SDHD: variants seen among roughly 807,000 people sequenced by gnomAD.
The protein encoded by SDHD is succinate dehydrogenase [ubiquinone] cytochrome b small subunit, mitochondrial.
A neutral mutation model predicts 18.7 loss-of-function variants in SDHD; 6 were observed. That is an observed-to-expected ratio of 0.32 (90% CI 0.18 to 0.63). SDHD has a LOEUF of 0.63. Ranked by LOEUF, SDHD falls within the 30% of genes least tolerant of loss-of-function variation. The pLI, the probability that SDHD is intolerant of heterozygous loss-of-function variation, is 0.79. For synonymous variants in SDHD, 56 were observed against 73.9 expected, an observed-to-expected ratio of 0.76 and a Z score of 1.24; for missense variants, 160 against 192.7, an observed-to-expected ratio of 0.83 and a Z score of 1.00.
intron 3 of SDHD, among the ~76,000 whole-genome samples, chr11:112,092,385 TC>T (rs1173885264): frequency 1.3e-5 from 2 of 152,200 alleles, no homozygotes; most frequent in Non-Finnish European, 2.9e-5. Context: ...CTAACTAGTT[TC>T]CTCTTCAGTT....
chr11:112,088,251 GTGCAGTGGTGCGATCTCGGCTCAC>G (rs1015701304), intron 2 of SDHD: 5 of 420,478 alleles, frequency 1.2e-5, no homozygotes, highest in African/African-American at 2.0e-5. Flanking sequence ...GCAGGCTGGA[GTGCAGTGGTGCGATCTCGGCTCAC>G]TGCAACCTCC....
chr11:112,087,183 T>C (rs1865628355), intron 1 of SDHD, among the ~76,000 whole-genome samples: 1 of 152,222 alleles, frequency 6.6e-6, no homozygotes, highest in Non-Finnish European at 1.5e-5. Flanking sequence ...GAGCTCCCTC[T>C]GGAAGTCGCA....
intron 3 of SDHD, among the ~76,000 whole-genome samples, chr11:112,091,506 C>G (rs1357680821): frequency 6.6e-6 from 1 of 152,138 alleles, no homozygotes; most frequent in African/African-American, 2.4e-5. Context: ...CATCTGTACC[C>G]TTTTTTAGGT....
intron 2 of SDHD, 92 bp downstream of exon 2, chr11:112,088,065 G>C (rs566673320): frequency 1.3e-5 from 12 of 904,176 alleles, no homozygotes; most frequent in African/African-American, 8.2e-5. Flanking sequence ...CTACCTGTAG[G>C]GGGGACTCTT....
rs11547899 is a variant in SDHD at position 112,088,883 on chromosome 11, A to G, written c.186A>G (p.Ala62=). ...SPSHHSGSKA[A]SLHWTSERVV... ...TTTTTGTAGCTGGCTCCAAGGCTGCATCTCTCCACTGGACTAGCGAGAGGG... is the reference window on the plus strand; with the variant it reads ...TTTTTGTAGCTGGCTCCAAGGCTGCGTCTCTCCACTGGACTAGCGAGAGGG... Residue 62 remains alanine (A), a synonymous_variant, in exon 3 of 4, where the codon GCA becomes GCG. Transcript: ENST00000375549. The G allele has an allele frequency of 1.2e-6, 2 of 1,612,406 alleles. No individual in the cohort carries two copies. Among genetic ancestry groups the G allele is most frequent in the South Asian group, 1.1e-5 (1 of 91,008 alleles).
At chr11:112,092,531 T>C (rs1427582852) in intron 3 of SDHD, among the ~76,000 whole-genome samples, 1 of 152,194 alleles carries the variant, frequency 6.6e-6, no homozygotes, top group East Asian at 1.9e-4. Context: ...CTCAGCATCA[T>C]TTGTCATTAG....
intron 3 of SDHD, among the ~76,000 whole-genome samples, chr11:112,093,698 T>C (rs1865788820): frequency 1.3e-5 from 2 of 152,194 alleles, no homozygotes; most frequent in African/African-American, 4.8e-5. Flanking sequence ...AGATTCCTTA[T>C]CATGACCTTC....
intron 1 of SDHD, among the ~76,000 whole-genome samples, 156 bp from the exon 2 acceptor site, chr11:112,087,697 ACTTC>A (rs1181759016): frequency 6.6e-6 from 1 of 152,224 alleles, no homozygotes; most frequent in Non-Finnish European, 1.5e-5. Context: ...CCTGGTCTTA[ACTTC>A]ACAGTAACCC....
intron 3 of SDHD, among the ~76,000 whole-genome samples, chr11:112,090,308 G>T (rs370157346): frequency 6.8e-6 from 1 of 147,150 alleles, no homozygotes; most frequent in African/African-American, 2.4e-5. Context: ...ACGGGGTTTC[G>T]CCATTTTGGC....
At position 112,095,282 on chromosome 11, in the gene SDHD, G is replaced by C. The variant is rs201621566; in HGVS notation, c.*312G>C. On this transcript the variant is annotated 3_prime_UTR_variant, in exon 4 of 4. Transcript: ENST00000375549. ...CCTTTCAATTTATCAATCTCTTAAA[G>C]AGAATCCAACTTTATTACGATTAGT... The C allele has an allele frequency of 1.4e-5, 6 of 420,120 alleles. No homozygotes were observed. The highest frequency in any genetic ancestry group is 7.5e-5 in the Admixed American group (2 of 26,582). The allele number at this position is 420,120 out of a possible 1,614,324, so 26.0% of individuals were successfully genotyped here.
chr11:112,087,825 T>G (rs777647713), intron 1 of SDHD, 32 bp from the exon 2 acceptor site: 3 of 1,417,632 alleles, frequency 2.1e-6, no homozygotes, highest in Non-Finnish European at 3.0e-6. Flanking sequence ...AAGGAGAGGT[T>G]CTTATGATCA....
intron 2 of SDHD, chr11:112,088,351 C>T (rs998745983): frequency 6.0e-5 from 21 of 348,536 alleles, no homozygotes; most frequent in African/African-American, 2.8e-4. Flanking sequence ...AGGCGCCCAC[C>T]ACCATGCCCA....
At chr11:112,089,543 G>T (rs1865706561) in intron 3 of SDHD, among the ~76,000 whole-genome samples, 1 of 152,150 alleles carries the variant, frequency 6.6e-6, no homozygotes, top group African/African-American at 2.4e-5. Flanking sequence ...CTACATGATT[G>T]AACCACCCTG....
chr11:112,094,314 C>G (rs1592785723), intron 3 of SDHD, among the ~76,000 whole-genome samples: 2 of 152,160 alleles, frequency 1.3e-5, no homozygotes, highest in East Asian at 3.8e-4. Flanking sequence ...AGGAGAATCA[C>G]TTGAACCCGG....
chr11:112,088,422 C>T, intron 2 of SDHD: 2 of 337,266 alleles, frequency 5.9e-6, no homozygotes, highest in African/African-American at 4.3e-5. Flanking sequence ...TGGTCTCAAA[C>T]TCCTGACCTC....
chr11:112,090,522 T>C (rs1865724456), intron 3 of SDHD, among the ~76,000 whole-genome samples: 1 of 152,176 alleles, frequency 6.6e-6, no homozygotes, highest in South Asian at 2.1e-4. Flanking sequence ...TTTTAAGTTT[T>C]GCAAGGGACA....
chr11:112,090,229 C>T (rs1422343712), intron 3 of SDHD, among the ~76,000 whole-genome samples: 4 of 152,196 alleles, frequency 2.6e-5, no homozygotes, highest in Non-Finnish European at 5.9e-5. Context: ...CTGCCTCAGC[C>T]TCCCAAGTAG....
rs370667125 is a variant in SDHD at position 112,093,403 on chromosome 11, C to G, written c.315-1402C>G. ...TTTTATATGAAATGTCTAGAACAGGCAAAGCCATAGAGACAGAAAGTAAAT... is the reference window on the plus strand; with the variant it reads ...TTTTATATGAAATGTCTAGAACAGGGAAAGCCATAGAGACAGAAAGTAAAT... On this transcript the variant is annotated intron_variant, in intron 3 of 3. Transcript: ENST00000375549. 0.045 allele frequency among the ~76,000 whole-genome samples: 6,760 copies of G among 151,892 alleles called. 502 individuals are homozygous for G. Among genetic ancestry groups the G allele is most frequent in the African/African-American group, 0.15 (6,340 of 41,372 alleles).
Position 112,087,958 on chromosome 11 carries a change from TCAC to T in SDHD, c.156_158del (p.Pro53del). 1 of 1,607,632 alleles carries T rather than the reference TCAC, an allele frequency of 6.2e-7. No individual in the cohort carries two copies. On this transcript the variant is annotated inframe_deletion, in exon 2 of 4. Coordinates refer to ENST00000375549, the MANE Select transcript of SDHD (RefSeq NM_003002.4). ...GTGTGGAGTGCAGCACATACACTTGTCACCGAGCCACCATTGTATGTTCTCTCC... is the reference window on the plus strand; with the variant it reads ...GTGTGGAGTGCAGCACATACACTTGTCGAGCCACCATTGTATGTTCTCTCC...
Sources: gnomAD v4.1 joint callset for allele counts (sites outside exome capture counted in the v4.1 genomes callset) on GRCh38, gnomAD v4.1.1 for gene constraint, MANE v1.5 for transcripts, NCBI Gene and HGNC (gene_info 2026-07-23, HGNC 2026-07-21) for gene names.